The following TOP1 variants were observed in gnomAD, a reference collection of about 807,000 sequenced individuals.
TOP1 encodes the protein DNA topoisomerase I.
TOP1 carries 10 observed loss-of-function variants against 111.1 expected under a neutral mutation model. The observed-to-expected ratio is 0.09, with a 90% CI of 0.06 to 0.15. TOP1 has a LOEUF of 0.15. TOP1 is among the 10% of genes least tolerant of loss of function. TOP1 has a pLI of 1.00. For synonymous variants in TOP1, 271 were observed against 302.9 expected (o/e 0.89, Z 1.10); for missense variants, 474 against 926.7 (o/e 0.51, Z 6.34).
Position 41,118,372 on chromosome 20 carries a change from A to G in TOP1, c.1950+76A>G. On this transcript the variant is annotated intron_variant, in intron 18 of 20. Coordinates refer to ENST00000361337, the MANE Select transcript of TOP1 (RefSeq NM_003286.4). This position sits in a 1 kb window ranked among gnomAD's most constrained non-coding sequence, Gnocchi z 4.6. ...GCGAATGAGAGGATTCAGGGCTGAG[A>G]TATCAGCAGGCCAGTGCTGGGTCTG... The G allele has an allele frequency of 6.4e-7, 1 of 1,568,548 alleles. No individual in the cohort carries two copies. The highest frequency in any genetic ancestry group is 1.4e-5 in the African/African-American group (1 of 73,754).
In TOP1 at chr20:41,034,746, C is replaced by T. The variant is rs924125427; in HGVS notation, c.58+5291C>T. Among the ~76,000 whole-genome samples, 4 of 152,150 alleles carry T rather than the reference C, an allele frequency of 2.6e-5. No homozygotes were observed. Among genetic ancestry groups the T allele is most frequent in the African/African-American group, 4.8e-5 (2 of 41,432 alleles). On this transcript the variant is annotated intron_variant, in intron 2 of 20. Transcript: ENST00000361337. This position sits in a 1 kb window ranked among gnomAD's most constrained non-coding sequence, Gnocchi z 4.0. ...ATGCATATCTCTGGAGTATATAGATCGTAATATCAACTTTGGCTATCTGTA... is the reference window on the plus strand; with the variant it reads ...ATGCATATCTCTGGAGTATATAGATTGTAATATCAACTTTGGCTATCTGTA...
At chr20:41,103,281 G>A (rs1259938576) in intron 13 of TOP1, among the ~76,000 whole-genome samples, 1 of 152,106 alleles carries the variant, frequency 6.6e-6, no homozygotes, top group Non-Finnish European at 1.5e-5. Flanking sequence ...TCTCTGGGAG[G>A]CCCAAAAATT....
At chr20:41,055,998 A>G (rs564485816) in intron 2 of TOP1, among the ~76,000 whole-genome samples, 1 of 152,344 alleles carries the variant, frequency 6.6e-6, no homozygotes, top group East Asian at 1.9e-4. Context: ...ATAGAGAAAT[A>G]TAATGAACTC....
In TOP1 at chr20:41,098,198, C is replaced by T. The variant is rs556910157; in HGVS notation, c.853-17C>T. ...TTTCGTTGTTTTTCTTTCATCTCCC[C>T]ATTTTCTTTTGACTAGGAAATGACT... On this transcript the variant is annotated splice_polypyrimidine_tract_variant and intron_variant, in intron 10 of 20. Transcript: ENST00000361337. The surrounding 1 kb of genome is among the most constrained non-coding windows in gnomAD (Gnocchi z 5.7). 6.2e-7 allele frequency: 1 copy of T among 1,613,192 alleles called. No homozygotes were observed. The highest frequency in any genetic ancestry group is 8.5e-7 in the Non-Finnish European group (1 of 1,179,348).
intron 2 of TOP1, among the ~76,000 whole-genome samples, chr20:41,039,312 A>G (rs1340752228): frequency 2.0e-5 from 3 of 152,150 alleles, no homozygotes; most frequent in Admixed American, 2.0e-4. Flanking sequence ...TACAACATGA[A>G]TGGGGACTGG....
intron 2 of TOP1, among the ~76,000 whole-genome samples, chr20:41,055,030 T>A (rs543363857): frequency 9.2e-5 from 14 of 152,210 alleles, no homozygotes; most frequent in Non-Finnish European, 1.9e-4. Flanking sequence ...GTTTAACTTA[T>A]CTGTCCTTAG....
At position 41,100,365 on chromosome 20, in the gene TOP1, G is replaced by T. The variant is rs749651845; in HGVS notation, c.1163+122G>T. The T allele has an allele frequency of 2.7e-6, 2 of 738,040 alleles. No individual in the cohort carries two copies. Among genetic ancestry groups the T allele is most frequent in the Non-Finnish European group, 2.1e-6 (1 of 468,812 alleles). 45.7% of individuals were successfully genotyped at this position (738,040 alleles called of 1,614,324 possible). On this transcript the variant is annotated intron_variant, in intron 12 of 20. Transcript: ENST00000361337. The surrounding 1 kb of genome is among the most constrained non-coding windows in gnomAD (Gnocchi z 4.4). ...AAGGGAGATACTTAAGAGCAGGACA[G>T]TATTTCATGCGTAGGTCTCCAGATG...
rs992219451 is a variant in TOP1, at chr20:41,067,236, C to T, written c.155+5746C>T. 6.6e-6 allele frequency among the ~76,000 whole-genome samples: 1 copy of T among 152,110 alleles called. No individual in the cohort carries two copies. The highest frequency in any genetic ancestry group is 2.4e-5 in the African/African-American group (1 of 41,416). ...CTGGGTTCAAGCGATTCTCCTGCCTCAGCCTCCCGAGTAGCTGGGACTTAC... is the reference window on the plus strand; with the variant it reads ...CTGGGTTCAAGCGATTCTCCTGCCTTAGCCTCCCGAGTAGCTGGGACTTAC... On this transcript the variant is annotated intron_variant, in intron 3 of 20. Coordinates refer to ENST00000361337, the MANE Select transcript of TOP1 (RefSeq NM_003286.4). This position sits in a 1 kb window ranked among gnomAD's most constrained non-coding sequence, Gnocchi z 4.0.
rs542695917 is a variant in TOP1 at position 41,115,762 on chromosome 20, A to ATC, written c.1707+325_1707+326dup. On this transcript the variant is annotated intron_variant, in intron 16 of 20. Transcript: ENST00000361337. This position sits in a 1 kb window ranked among gnomAD's most constrained non-coding sequence, Gnocchi z 6.3. Reference sequence around the variant, plus strand: ...TGGAGACCCAAAACCTGTCCCTGATATCTTAATAGGGAAGGAAAAATTTGC... The same window carrying ATC: ...TGGAGACCCAAAACCTGTCCCTGATATCTCTTAATAGGGAAGGAAAAATTTGC... Among the ~76,000 whole-genome samples the ATC allele has an allele frequency of 7.6e-4, 115 of 152,260 alleles. No individual in the cohort carries two copies. Among genetic ancestry groups the ATC allele is most frequent in the Admixed American group, 3.0e-3 (46 of 15,300 alleles).
intron 2 of TOP1, among the ~76,000 whole-genome samples, chr20:41,039,059 T>C (rs2033226270): frequency 6.6e-6 from 1 of 152,122 alleles, no homozygotes; most frequent in South Asian, 2.1e-4. Flanking sequence ...CTTGGGATGG[T>C]GCAATATTTG....
rs2033541974 is a variant in TOP1, at chr20:41,061,356, A to T, written c.59-38A>T. 6 of 1,598,850 alleles carry T rather than the reference A, an allele frequency of 3.8e-6. No individual in the cohort carries two copies. In the East Asian group the frequency reaches 1.1e-4, roughly 30 times the overall value. ...AAGGTAGGCATACAGAAGATAGCTC[A>T]TGACTCCTGTTAACTGACTCATCTC... On this transcript the variant is annotated intron_variant, in intron 2 of 20. Transcript: ENST00000361337. The surrounding 1 kb of genome is among the most constrained non-coding windows in gnomAD (Gnocchi z 4.6).
rs2033643112 is a variant in TOP1 at position 41,069,230 on chromosome 20, AAATT to A, written c.156-6937_156-6934del. On this transcript the variant is annotated intron_variant, in intron 3 of 20. Coordinates refer to ENST00000361337, the MANE Select transcript of TOP1 (RefSeq NM_003286.4). The surrounding 1 kb of genome is among the most constrained non-coding windows in gnomAD (Gnocchi z 4.1). ...TCTCAGATTAGGGGAGATTTTTCTG[AAATT>A]AATAAAATTTAAAAGATATGTTTGC... 6.6e-6 allele frequency among the ~76,000 whole-genome samples: 1 copy of A among 152,190 alleles called. No homozygotes were observed. The highest frequency in any genetic ancestry group is 2.1e-4 in the South Asian group (1 of 4,836).
intron 3 of TOP1, among the ~76,000 whole-genome samples, chr20:41,063,505 A>G (rs929798367): frequency 2.0e-5 from 3 of 152,184 alleles, no homozygotes; most frequent in Non-Finnish European, 4.4e-5. Context: ...AAGTTCTTTG[A>G]GAAATCTCCA....
At position 41,061,592 on chromosome 20, in the gene TOP1, C is replaced by A; in HGVS notation, c.155+102C>A. On this transcript the variant is annotated intron_variant, in intron 3 of 20. Transcript: ENST00000361337. The surrounding 1 kb of genome is among the most constrained non-coding windows in gnomAD (Gnocchi z 4.6). ...TAACTTGAGCTACATGTAAAGATAG[C>A]AAAGTAAGTAGAAACTGTATTTGAT... is the stretch of plus-strand genomic sequence containing the variant. The A allele has an allele frequency of 4.1e-6, 4 of 985,340 alleles. No individual in the cohort carries two copies. Among genetic ancestry groups the A allele is most frequent in the Non-Finnish European group, 6.0e-6 (4 of 662,910 alleles). The allele number at this position is 985,340 out of a possible 1,614,324, so 61.0% of individuals were successfully genotyped here. A position where few individuals can be genotyped will look rare whatever the true frequency, so the allele number is the denominator to read the frequency against.
intron 2 of TOP1, among the ~76,000 whole-genome samples, chr20:41,040,866 G>GGAAT (rs1302860839): frequency 6.6e-6 from 1 of 151,156 alleles, no homozygotes; most frequent in Non-Finnish European, 1.5e-5. Context: ...CTTATACCCT[G>GGAAT]GAATGAATGA....
In TOP1 at chr20:41,092,279, A is replaced by G. The variant is rs937407484; in HGVS notation, c.615-193A>G. The stretch of plus-strand genomic sequence containing the variant: ...TTTCCTTTATTCACCACAGTATTTC[A>G]TCTTACTTGTGAGCGTTGGCTTTTT... On this transcript the variant is annotated intron_variant, in intron 8 of 20. Coordinates refer to ENST00000361337, the MANE Select transcript of TOP1 (RefSeq NM_003286.4). The surrounding 1 kb of genome is among the most constrained non-coding windows in gnomAD (Gnocchi z 4.3). 5.9e-5 allele frequency among the ~76,000 whole-genome samples: 9 copies of G among 152,180 alleles called. No homozygotes were observed. Among genetic ancestry groups the G allele is most frequent in the Non-Finnish European group, 1.0e-4 (7 of 68,030 alleles).
In TOP1 at chr20:41,097,089, A is replaced by C; in HGVS notation, c.731-131A>C. ...GTATGTTGTCTTTGTTGTTGTTGCT[A>C]CTATGTGTCACCAGACCTTTATATA... On this transcript the variant is annotated intron_variant, in intron 9 of 20. Transcript: ENST00000361337. The surrounding 1 kb of genome is among the most constrained non-coding windows in gnomAD (Gnocchi z 4.2). The C allele has an allele frequency of 1.2e-6, 1 of 856,144 alleles. No homozygotes were observed. The highest frequency in any genetic ancestry group is 1.8e-6 in the Non-Finnish European group (1 of 561,124). 53.0% of individuals were successfully genotyped at this position (856,144 alleles called of 1,614,324 possible). A position where few individuals can be genotyped will look rare whatever the true frequency, so the allele number is the denominator to read the frequency against.
rs189917514 is a variant in TOP1, at chr20:41,116,760, G to A, written c.1822+368G>A. 1.1e-4 allele frequency among the ~76,000 whole-genome samples: 16 copies of A among 152,306 alleles called. No individual in the cohort carries two copies. The highest frequency in any genetic ancestry group is 3.4e-4 in the African/African-American group (14 of 41,568). On this transcript the variant is annotated intron_variant, in intron 17 of 20. Transcript: ENST00000361337. This position sits in a 1 kb window ranked among gnomAD's most constrained non-coding sequence, Gnocchi z 5.6. ...TTGTCATGGTTACCAGAAAAATACAGGAACAAGTCCTTTCCTTGAGGTTTC... is the reference window on the plus strand; with the variant it reads ...TTGTCATGGTTACCAGAAAAATACAAGAACAAGTCCTTTCCTTGAGGTTTC...
Position 41,067,188 on chromosome 20 carries a change from C to T in TOP1, c.155+5698C>T, listed in dbSNP as rs963662328. On this transcript the variant is annotated intron_variant, in intron 3 of 20. Transcript: ENST00000361337. The surrounding 1 kb of genome is among the most constrained non-coding windows in gnomAD (Gnocchi z 4.0). ...AGGCTGGAGTGCAGTGGTGTGATCT[C>T]GGCTCACTGCAACCTCTGCCTCCTG... Among the ~76,000 whole-genome samples, 6 of 151,322 alleles carry T rather than the reference C, an allele frequency of 4.0e-5. No homozygotes were observed. Among genetic ancestry groups the T allele is most frequent in the Non-Finnish European group, 7.4e-5 (5 of 67,790 alleles).
Sources: gnomAD v4.1 joint callset for allele counts (sites outside exome capture counted in the v4.1 genomes callset) on GRCh38, gnomAD v4.1.1 for gene constraint, Gnocchi (gnomAD v3.1) non-coding constraint, MANE v1.5 for transcripts, NCBI Gene and HGNC (gene_info 2026-07-23, HGNC 2026-07-21) for gene names.